Variants in TRMT9B observed in about 807,000 individuals in gnomAD.
TRMT9B encodes probable tRNA methyltransferase 9B.
Under a neutral mutation model 11.5 loss-of-function variants are expected in TRMT9B, and 16 were observed. The ratio of observed to expected loss-of-function variants is 1.39; its 90% CI spans 0.94 to 2.11. The LOEUF is 2.11. TRMT9B is among the 30% of genes most tolerant of loss of function. The pLI is 0.00. For synonymous variants in TRMT9B, 274 were observed against 192.4 expected (o/e 1.42, Z -3.51); for missense variants, 941 against 553.8 (o/e 1.70, Z -7.02).
intron 2 of TRMT9B, among the ~76,000 whole-genome samples, chr8:13,001,306 C>T (rs766735264): frequency 6.6e-6 from 1 of 152,130 alleles, no homozygotes; most frequent in Non-Finnish European, 1.5e-5. Context: ...GGTTTTCAAC[C>T]TGGGTCCACT....
At chr8:13,020,862 T>A (rs1300855950) in intron 4 of TRMT9B, 146 bp from the exon 5 acceptor site, 1 of 565,350 alleles carries the variant, frequency 1.8e-6, no homozygotes, top group East Asian at 3.0e-5. Flanking sequence ...CCTGTGTTAT[T>A]TCTGTCATCA....
chr8:13,007,541 G>C (rs893614091), intron 3 of TRMT9B: 1 of 152,274 alleles, frequency 6.6e-6, no homozygotes, highest in South Asian at 2.1e-4. Context: ...CAGAACTTGT[G>C]GCTTGCTGAA....
At position 13,019,573 on chromosome 8, in the gene TRMT9B, C is replaced by A. The variant is rs373184586; in HGVS notation, c.329-1435C>A. Among the ~76,000 whole-genome samples the A allele has an allele frequency of 2.3e-3, 348 of 152,320 alleles. 1 individual carries two copies. The highest frequency in any genetic ancestry group is 7.8e-3 in the African/African-American group (326 of 41,574). ...CCTCCCAAAGTGCTGGGATTACTGG[C>A]ATGAGCCACTGCACACAGCACGGGA... On this transcript the variant is annotated intron_variant, in intron 4 of 4. Transcript: ENST00000524591.
At chr8:12,985,226 G>A (rs1241063438) in intron 1 of TRMT9B, among the ~76,000 whole-genome samples, 1 of 152,084 alleles carries the variant, frequency 6.6e-6, no homozygotes. Flanking sequence ...GTCCCTGATG[G>A]GATTCCAGAG....
chr8:12,950,534 G>T (rs564680984), intron 1 of TRMT9B, among the ~76,000 whole-genome samples: 2 of 110,652 alleles, frequency 1.8e-5, no homozygotes, highest in East Asian at 2.1e-4. Flanking sequence ...CAGACTCGTG[G>T]TTTTTTCTTT....
At position 13,026,508 on chromosome 8, in the gene TRMT9B, TC is replaced by T. The variant is rs929391879; in HGVS notation, c.*4466del. 1.3e-4 allele frequency: 21 copies of T among 167,094 alleles called. No homozygotes were observed. Among genetic ancestry groups the T allele is most frequent in the African/African-American group, 5.1e-4 (21 of 41,470 alleles). The allele number at this position is 167,094 out of a possible 1,614,324, so 10.4% of individuals were successfully genotyped here. ...GCCTCACTTCCCCTCCTTCCCCTTC[TC>T]CTGGTCCCCTGTCCCAGGGGCTGTT... On this transcript the variant is annotated 3_prime_UTR_variant, in exon 5 of 5. Coordinates refer to ENST00000524591, the MANE Select transcript of TRMT9B (RefSeq NM_020844.3).
intron 3 of TRMT9B, chr8:13,011,726 G>A: frequency 1.0e-6 from 1 of 973,270 alleles, no homozygotes; most frequent in Non-Finnish European, 1.2e-6. Flanking sequence ...ACTGGAAAGT[G>A]AATATCAAAA....
At chr8:12,976,921 C>T (rs1804552106) in intron 1 of TRMT9B, among the ~76,000 whole-genome samples, 1 of 152,160 alleles carries the variant, frequency 6.6e-6, no homozygotes, top group Non-Finnish European at 1.5e-5. Context: ...TGGGGTAATA[C>T]ATTAACTTGA....
chr8:12,977,339 C>T (rs994877347), intron 1 of TRMT9B, among the ~76,000 whole-genome samples: 4 of 152,140 alleles, frequency 2.6e-5, no homozygotes, highest in East Asian at 1.9e-4. Flanking sequence ...AACCTGTTCA[C>T]GACCCCAGTG....
Position 12,981,588 on chromosome 8 carries a change from TTTTA to T in TRMT9B, c.-199-9230_-199-9227del, listed in dbSNP as rs1289874806. 4.6e-5 allele frequency among the ~76,000 whole-genome samples: 7 copies of T among 151,362 alleles called. No homozygotes were observed. In the South Asian group the frequency reaches 1.2e-3, roughly 27 times the overall value. ...GTTTATTTTTGCTTTCCTTTCTTTC[TTTTA>T]TTTATTTATTTATTTTTTTTTGATA... On this transcript the variant is annotated intron_variant, in intron 1 of 4. Transcript: ENST00000524591.
chr8:12,989,377 T>C (rs946654645), intron 1 of TRMT9B, among the ~76,000 whole-genome samples: 8 of 152,236 alleles, frequency 5.3e-5, no homozygotes, highest in Non-Finnish European at 8.8e-5. Flanking sequence ...TCATGCACTT[T>C]AGACAGAGGC....
chr8:13,000,029 C>T (rs1319387537), intron 2 of TRMT9B, among the ~76,000 whole-genome samples: 6 of 152,116 alleles, frequency 3.9e-5, no homozygotes, highest in Non-Finnish European at 7.4e-5. Context: ...TTCTACAGTT[C>T]ATATGATGAA....
chr8:13,009,825 G>A (rs928431699), intron 3 of TRMT9B, among the ~76,000 whole-genome samples: 3 of 152,016 alleles, frequency 2.0e-5, no homozygotes, highest in Non-Finnish European at 4.4e-5. Flanking sequence ...GTATTTTGCC[G>A]CTACAAATTA....
rs1310484268 is a variant in TRMT9B, at chr8:13,024,515, C to G, written c.*2471C>G. 6.0e-6 allele frequency: 1 copy of G among 167,052 alleles called. No individual in the cohort carries two copies. The allele number at this position is 167,052 out of a possible 1,614,324, so 10.3% of individuals were successfully genotyped here. On this transcript the variant is annotated 3_prime_UTR_variant, in exon 5 of 5. Transcript: ENST00000524591. ...GCCTATTGTCACATGGGTTTTTAAT[C>G]CTGGCCTTGCTGCTAGAAATCTGTG...
At chr8:12,995,057 C>G (rs945908181) in intron 2 of TRMT9B, among the ~76,000 whole-genome samples, 4 of 152,206 alleles carry the variant, frequency 2.6e-5, no homozygotes, top group Non-Finnish European at 5.9e-5. Context: ...CTCATGCATT[C>G]GTTTGAAGAT....
intron 3 of TRMT9B, chr8:13,007,385 G>C (rs1303570112): frequency 6.6e-6 from 1 of 152,176 alleles, no homozygotes; most frequent in Non-Finnish European, 1.5e-5. Flanking sequence ...CTTAAAATGT[G>C]GTTGGAATCT....
chr8:13,005,463 G>T (rs1020636150), intron 2 of TRMT9B, among the ~76,000 whole-genome samples: 5 of 152,116 alleles, frequency 3.3e-5, no homozygotes, highest in Admixed American at 6.5e-5. Flanking sequence ...AAGGATAAGT[G>T]CTCGAGGTGA....
chr8:13,020,952 C>T (rs555014526), intron 4 of TRMT9B, 56 bp from the exon 5 acceptor site: 25 of 1,188,492 alleles, frequency 2.1e-5, no homozygotes, highest in Admixed American at 5.5e-5. Context: ...CCAGTGTATA[C>T]GTGTGTGGGT....
At chr8:12,962,487 G>A (rs1268342771) in intron 1 of TRMT9B, among the ~76,000 whole-genome samples, 2 of 151,058 alleles carry the variant, frequency 1.3e-5, no homozygotes, top group Admixed American at 6.6e-5. Context: ...TTTTTTTTTC[G>A]TTTGTTTTTT....
Sources: gnomAD v4.1 joint callset for allele counts (sites outside exome capture counted in the v4.1 genomes callset) on GRCh38, gnomAD v4.1.1 for gene constraint, MANE v1.5 for transcripts, NCBI Gene and HGNC (gene_info 2026-07-23, HGNC 2026-07-21) for gene names.